PELI2: variants seen among roughly 807,000 people sequenced by gnomAD.
PELI2 encodes E3 ubiquitin-protein ligase pellino homolog 2.
In PELI2, 23 loss-of-function variants were observed where a neutral mutation model predicts 42.3. The ratio of observed to expected loss-of-function variants is 0.54; its 90% confidence interval spans 0.39 to 0.77. The LOEUF (loss-of-function observed/expected upper bound fraction) is 0.77. Among genes scored for constraint, PELI2 ranks in the 30% least tolerant of loss-of-function variants. The pLI is 0.00. For synonymous variants in PELI2, 245 were observed against 212.2 expected (o/e 1.15, Z -1.34); for missense variants, 463 against 553.2 (o/e 0.84, Z 1.64).
chr14:56,183,628 A>G (rs1443578103), intron 2 of PELI2, among the ~76,000 whole-genome samples: 1 of 152,206 alleles, frequency 6.6e-6, no homozygotes, highest in Admixed American at 6.5e-5. Flanking sequence ...GAACTTATAA[A>G]TCAGGAAGGT....
chr14:56,245,762 C>A (rs1364612361), intron 2 of PELI2, among the ~76,000 whole-genome samples: 2 of 152,120 alleles, frequency 1.3e-5, no homozygotes, highest in African/African-American at 2.4e-5. Context: ...AATAACAATA[C>A]AACAAAAAAT....
chr14:56,188,305 G>A (rs1885841665), intron 2 of PELI2, among the ~76,000 whole-genome samples: 1 of 152,156 alleles, frequency 6.6e-6, no homozygotes, highest in South Asian at 2.1e-4. Context: ...TGTTCTAATG[G>A]GTCAATAACT....
intron 1 of PELI2, among the ~76,000 whole-genome samples, chr14:56,152,761 G>T (rs369797443): frequency 6.6e-6 from 1 of 152,158 alleles, no homozygotes; most frequent in East Asian, 1.9e-4. Context: ...TTTATAATTA[G>T]AATGTTAATT....
chr14:56,144,454 A>G (rs1257017721), intron 1 of PELI2, among the ~76,000 whole-genome samples: 1 of 152,182 alleles, frequency 6.6e-6, no homozygotes, highest in African/African-American at 2.4e-5. Context: ...CATCTGATTC[A>G]GTTAGGTCCC....
chr14:56,125,122 G>A (rs895560846), intron 1 of PELI2, among the ~76,000 whole-genome samples: 5 of 152,130 alleles, frequency 3.3e-5, no homozygotes, highest in South Asian at 4.1e-4. Context: ...AATGGAGTGT[G>A]AGCTAGAGGG....
chr14:56,177,199 G>T (rs959127101), intron 1 of PELI2, among the ~76,000 whole-genome samples: 1 of 152,222 alleles, frequency 6.6e-6, no homozygotes, highest in African/African-American at 2.4e-5. Context: ...ACGCTGACTT[G>T]ACTGGTGAAA....
chr14:56,227,606 A>G (rs1463378124), intron 2 of PELI2, among the ~76,000 whole-genome samples: 1 of 129,406 alleles, frequency 7.7e-6, no homozygotes, highest in Non-Finnish European at 1.8e-5. Flanking sequence ...GTACATAGCT[A>G]TAGACTTACA....
At chr14:56,188,060 A>G (rs1320879121) in intron 2 of PELI2, among the ~76,000 whole-genome samples, 1 of 152,104 alleles carries the variant, frequency 6.6e-6, no homozygotes, top group Non-Finnish European at 1.5e-5. Flanking sequence ...TCCTCCTTGG[A>G]CGTCTCCCCT....
At chr14:56,290,245 C>G in intron 4 of PELI2, 23 bp from the exon 5 acceptor site, 1 of 1,472,576 alleles carries the variant, frequency 6.8e-7, no homozygotes, top group Non-Finnish European at 9.1e-7. Flanking sequence ...CCTACTTTTT[C>G]TGTTCTGCTG....
chr14:56,129,479 T>C lies in PELI2; in HGVS notation c.77+10742T>C, dbSNP rs190775532. ...TAAACTCCACTGGCAGAGCAGTTAG[T>C]GATCCAAGAACTCTTTCCTGTTACC... On this transcript the variant is annotated intron_variant, in intron 1 of 5. Transcript: ENST00000267460. 6.6e-5 allele frequency among the ~76,000 whole-genome samples: 10 copies of C among 152,354 alleles called. 1 individual carries two copies. Among genetic ancestry groups the C allele is most frequent in the African/African-American group, 2.2e-4 (9 of 41,588 alleles).
intron 1 of PELI2, chr14:56,119,880 A>G (rs1016557974): frequency 3.1e-6 from 3 of 980,588 alleles, no homozygotes; most frequent in African/African-American, 1.7e-5. Context: ...TAGCACACAT[A>G]TGAGGAGTCA....
In PELI2 at chr14:56,208,523, T is replaced by C. The variant is rs575512806; in HGVS notation, c.207+30059T>C. ...CTAATGATGCAAAAGCAGTGGTGGGTAAAACTGCTGGCACTTTAGCATGAA... is the reference window on the plus strand; with the variant it reads ...CTAATGATGCAAAAGCAGTGGTGGGCAAAACTGCTGGCACTTTAGCATGAA... On this transcript the variant is annotated intron_variant, in intron 2 of 5. Transcript: ENST00000267460. Among the ~76,000 whole-genome samples, 4 of 152,338 alleles carry C rather than the reference T, an allele frequency of 2.6e-5. No homozygotes were observed. The South Asian group carries it at 8.3e-4, about 32-fold the overall frequency.
chr14:56,157,453 A>G (rs1414681383), intron 1 of PELI2, among the ~76,000 whole-genome samples: 5 of 152,222 alleles, frequency 3.3e-5, no homozygotes, highest in Admixed American at 1.3e-4. Flanking sequence ...TGTAGCATCA[A>G]TATACACAAT....
chr14:56,245,396 T>A (rs1888114583), intron 2 of PELI2, among the ~76,000 whole-genome samples: 1 of 152,204 alleles, frequency 6.6e-6, no homozygotes, highest in African/African-American at 2.4e-5. Flanking sequence ...AAAATTAATT[T>A]AAAAATATAT....
chr14:56,149,043 T>A (rs1200907033), intron 1 of PELI2, among the ~76,000 whole-genome samples: 1 of 152,204 alleles, frequency 6.6e-6, no homozygotes, highest in Non-Finnish European at 1.5e-5. Context: ...GGTCACCTCC[T>A]TAGCTTACTT....
chr14:56,195,314 A>G (rs1403673150), intron 2 of PELI2, among the ~76,000 whole-genome samples: 1 of 152,134 alleles, frequency 6.6e-6, no homozygotes, highest in African/African-American at 2.4e-5. Flanking sequence ...TCTGCTTCTC[A>G]CCATTTTGCC....
chr14:56,205,634 T>C (rs1370701076), intron 2 of PELI2, among the ~76,000 whole-genome samples: 20 of 152,222 alleles, frequency 1.3e-4, no homozygotes. Flanking sequence ...CAAAACTATT[T>C]GGTAGTTTTG....
At chr14:56,234,104 G>C (rs1361992476) in intron 2 of PELI2, among the ~76,000 whole-genome samples, 1 of 152,172 alleles carries the variant, frequency 6.6e-6, no homozygotes, top group Non-Finnish European at 1.5e-5. Context: ...GGAAACAACA[G>C]GTGCTGGAGA....
intron 2 of PELI2, among the ~76,000 whole-genome samples, chr14:56,205,861 G>A (rs1366011171): frequency 6.6e-6 from 1 of 152,144 alleles, no homozygotes; most frequent in East Asian, 1.9e-4. Flanking sequence ...AAGGAGGGGA[G>A]CAATTAACTA....
Sources: gnomAD v4.1 joint callset for allele counts (sites outside exome capture counted in the v4.1 genomes callset) on GRCh38, gnomAD v4.1.1 for gene constraint, MANE v1.5 for transcripts, NCBI Gene and HGNC (gene_info 2026-07-23, HGNC 2026-07-21) for gene names.